Variants in MSI2 observed in about 807,000 individuals in gnomAD.
MSI2 encodes the protein RNA-binding protein Musashi homolog 2.
MSI2 carries 17 observed loss-of-function variants against 45.6 expected under a neutral mutation model. That is an observed-to-expected ratio of 0.37 (90% confidence interval 0.26 to 0.56). MSI2 has a LOEUF of 0.56. Among genes scored for constraint, MSI2 ranks in the 20% least tolerant of loss-of-function variants. MSI2 has a pLI of 0.77. For synonymous variants in MSI2, 156 were observed against 158.2 expected, an observed-to-expected ratio of 0.99 and a Z score of 0.11; for missense variants, 293 against 444.2, an observed-to-expected ratio of 0.66 and a Z score of 3.06.
chr17:57,557,290 CCT>C (rs2087457999), intron 7 of MSI2, among the ~76,000 whole-genome samples: 1 of 152,192 alleles, frequency 6.6e-6, no homozygotes, highest in Admixed American at 6.5e-5. Flanking sequence ...CATCTTGCTA[CCT>C]CTTTTTACGC....
At chr17:57,328,472 T>C (rs1263115973) in intron 5 of MSI2, among the ~76,000 whole-genome samples, 4 of 152,246 alleles carry the variant, frequency 2.6e-5, no homozygotes, top group Non-Finnish European at 5.9e-5. Flanking sequence ...ACTTTGTATA[T>C]ATTTCTCCTC....
chr17:57,612,062 C>G lies in MSI2; in HGVS notation c.538-3908C>G, dbSNP rs577146032. ...ACCCTTTTTGGGTTCTGACTGTCAC[C>G]CGGGTTGTTCATGCCAAGCTCTCTG... is the stretch of plus-strand genomic sequence containing the variant. On this transcript the variant is annotated intron_variant, in intron 8 of 13. Coordinates refer to ENST00000284073, the MANE Select transcript of MSI2 (RefSeq NM_138962.4). Among the ~76,000 whole-genome samples the G allele has an allele frequency of 2.1e-5, 2 of 95,036 alleles. 1 individual carries two copies. The highest frequency in any genetic ancestry group is 6.5e-5 in the African/African-American group (2 of 30,588). The allele number at this position is 95,036 out of a possible 152,430, so 62.3% of individuals were successfully genotyped here.
chr17:57,612,413 C>T lies in MSI2; in HGVS notation c.538-3557C>T, dbSNP rs1444740608. ...AGGGGACTGGACAGGCTTCCTGGTC[C>T]TGAGAAGTCTTTCAAGAGGCCTTCA... is the stretch of plus-strand genomic sequence containing the variant. On this transcript the variant is annotated intron_variant, in intron 8 of 13. Coordinates refer to ENST00000284073, the MANE Select transcript of MSI2 (RefSeq NM_138962.4). Among the ~76,000 whole-genome samples the T allele has an allele frequency of 9.5e-5, 9 of 94,912 alleles. 2 individuals are homozygous for T. Among genetic ancestry groups the T allele is most frequent in the African/African-American group, 2.9e-4 (9 of 30,644 alleles). The allele number at this position is 94,912 out of a possible 152,430, so 62.3% of individuals were successfully genotyped here. A position where few individuals can be genotyped will look rare whatever the true frequency, so the allele number is the denominator to read the frequency against.
intron 6 of MSI2, among the ~76,000 whole-genome samples, chr17:57,439,903 A>G (rs1303113682): frequency 1.3e-5 from 2 of 152,026 alleles, no homozygotes; most frequent in Non-Finnish European, 2.9e-5. Flanking sequence ...GAGAATTGAG[A>G]AATTCCTCAT....
At chr17:57,561,667 C>T (rs932137442) in intron 7 of MSI2, among the ~76,000 whole-genome samples, 9 of 152,074 alleles carry the variant, frequency 5.9e-5, no homozygotes, top group Admixed American at 4.6e-4. Flanking sequence ...GCTGTGAGGA[C>T]GACAGAAAGG....
intron 8 of MSI2, among the ~76,000 whole-genome samples, chr17:57,604,815 C>T (rs910623726): frequency 2.0e-5 from 3 of 152,106 alleles, no homozygotes; most frequent in African/African-American, 7.2e-5. Context: ...GGAGGCCAGC[C>T]GCAGGCTAGG....
At chr17:57,454,960 G>A (rs988349188) in intron 6 of MSI2, among the ~76,000 whole-genome samples, 7 of 152,158 alleles carry the variant, frequency 4.6e-5, no homozygotes, top group South Asian at 2.1e-4. Context: ...TGCTCCTGTC[G>A]CAGGCGTGGA....
chr17:57,538,151 G>T (rs1049239071), intron 7 of MSI2, among the ~76,000 whole-genome samples: 1 of 151,908 alleles, frequency 6.6e-6, no homozygotes, highest in Non-Finnish European at 1.5e-5. Flanking sequence ...GTGGAGATCT[G>T]AAGAGAAAGG....
intron 5 of MSI2, among the ~76,000 whole-genome samples, chr17:57,333,495 T>C (rs1184406933): frequency 6.6e-6 from 1 of 151,666 alleles, no homozygotes; most frequent in African/African-American, 2.4e-5. Flanking sequence ...TGGAGTGCAG[T>C]GGCACAATCT....
At chr17:57,368,225 A>G (rs2083368565) in intron 5 of MSI2, among the ~76,000 whole-genome samples, 1 of 152,186 alleles carries the variant, frequency 6.6e-6, no homozygotes, top group South Asian at 2.1e-4. Flanking sequence ...TCTGGTGGCT[A>G]ATGGAATATG....
At chr17:57,584,266 G>C (rs1247851992) in intron 7 of MSI2, among the ~76,000 whole-genome samples, 3 of 152,172 alleles carry the variant, frequency 2.0e-5, no homozygotes, top group African/African-American at 7.2e-5. Context: ...AGAGAAATCT[G>C]GCTTCCAGAT....
chr17:57,626,555 G>T (rs542067508), intron 9 of MSI2: 2 of 152,350 alleles, frequency 1.3e-5, no homozygotes, highest in Non-Finnish European at 2.9e-5. Context: ...TGAGACAGGG[G>T]TCTAGAAACA....
downstream of MSI2, among the ~76,000 whole-genome samples, chr17:57,685,366 A>G (rs1431439334): frequency 1.3e-5 from 2 of 152,144 alleles, no homozygotes; most frequent in Non-Finnish European, 2.9e-5. Context: ...GAGAAACACC[A>G]GGCCAAGAGG....
intron 11 of MSI2, among the ~76,000 whole-genome samples, chr17:57,666,505 C>T (rs1912378971): frequency 6.6e-6 from 1 of 152,216 alleles, no homozygotes; most frequent in Non-Finnish European, 1.5e-5. Flanking sequence ...CACCTCCAGG[C>T]CCTGTTTTGT....
At chr17:57,387,958 C>T (rs1022094099) in intron 5 of MSI2, among the ~76,000 whole-genome samples, 4 of 152,210 alleles carry the variant, frequency 2.6e-5, no homozygotes, top group Admixed American at 2.6e-4. Flanking sequence ...TAGAGAAGCT[C>T]AGTCACTTGC....
At position 57,529,198 on chromosome 17, in the gene MSI2, G is replaced by A. The variant is rs1250961939; in HGVS notation, c.406-478G>A. 6.6e-6 allele frequency among the ~76,000 whole-genome samples: 1 copy of A among 152,080 alleles called. No homozygotes were observed. The highest frequency in any genetic ancestry group is 2.1e-4 in the South Asian group (1 of 4,818). ...CACCTATAATCTCAGCGCTTTGAAA[G>A]GCTGCTGCAGGAGGATCACTTGAGC... On this transcript the variant is annotated intron_variant, in intron 6 of 13. Transcript: ENST00000284073. This position sits in a 1 kb window ranked among gnomAD's most constrained non-coding sequence, Gnocchi z 5.3.
intron 7 of MSI2, among the ~76,000 whole-genome samples, chr17:57,584,904 C>T (rs373722326): frequency 6.6e-6 from 1 of 151,936 alleles, no homozygotes; most frequent in Non-Finnish European, 1.5e-5. Flanking sequence ...TCACTGCAAC[C>T]TTCGCCTCCC....
chr17:57,389,475 C>G (rs2083748081), intron 5 of MSI2, among the ~76,000 whole-genome samples: 1 of 152,180 alleles, frequency 6.6e-6, no homozygotes, highest in South Asian at 2.1e-4. Context: ...CTGGCTCTCC[C>G]CTGCTAACCT....
Position 57,258,362 on chromosome 17 carries a change from G to C in MSI2, c.270+8G>C. The C allele has an allele frequency of 6.2e-7, 1 of 1,612,092 alleles. No individual in the cohort carries two copies. Among genetic ancestry groups the C allele is most frequent in the Non-Finnish European group, 8.5e-7 (1 of 1,178,086 alleles). ...GAGTTAGATTCCAAGACGGTAGGTT[G>C]CTTTTTGTTGTTGTTGTTCGCCCCT... On this transcript the variant is annotated splice_region_variant and intron_variant, in intron 4 of 13. Transcript: ENST00000284073.
Sources: allele counts gnomAD v4.1 joint callset (sites outside exome capture counted in the v4.1 genomes callset), GRCh38; gene constraint gnomAD v4.1.1; non-coding constraint Gnocchi (gnomAD v3.1); transcripts MANE v1.5; gene names NCBI Gene and HGNC (gene_info 2026-07-23, HGNC 2026-07-21).